Variants in MXI1 observed in about 807,000 individuals in gnomAD.
MXI1 encodes the protein max-interacting protein 1.
Under a neutral mutation model 36.9 loss-of-function variants are expected in MXI1, and 18 were observed. The ratio of observed to expected loss-of-function variants is 0.49; its 90% confidence interval spans 0.34 to 0.72. The LOEUF is 0.72. MXI1 is among the 30% of genes least tolerant of loss of function. The pLI, the probability that MXI1 is intolerant of heterozygous loss-of-function variation, is 0.01. For missense variants in MXI1, 304 were observed against 379.1 expected (o/e 0.80, Z 1.64); for synonymous variants, 160 against 146.7 (o/e 1.09, Z -0.65).
At position 110,280,068 on chromosome 10, in the gene MXI1, G is replaced by A. The variant is rs140539151; in HGVS notation, c.707G>A (p.Arg236His). 139 of 1,589,042 alleles carry A rather than the reference G, an allele frequency of 8.7e-5. No homozygotes were observed. The Middle Eastern group carries it at 1.2e-3, about 13-fold the overall frequency. The change falls in exon 5 of 6, where the codon CGT becomes CAT. Residue 236 changes from arginine (R) to histidine (H), a missense_variant. This residue lies in a region of MXI1 where 125 missense variants were observed against 194.3 expected (regional missense o/e 0.64). Coordinates refer to ENST00000332674, the MANE Select transcript of MXI1 (RefSeq NM_130439.3). ...ATTGGATCAACTATTTCTTCAGATCGTTCTGATTCAGAGCGAGGTAGGCAG... is the reference window on the plus strand; with the variant it reads ...ATTGGATCAACTATTTCTTCAGATCATTCTGATTCAGAGCGAGGTAGGCAG... ...DSIGSTISSD[R>H]SDSEREEIEV...
intron 1 of MXI1, among the ~76,000 whole-genome samples, chr10:110,222,550 A>G (rs114228002): frequency 0.012 from 1,901 of 152,278 alleles, 38 homozygotes; most frequent in African/African-American, 0.043. Flanking sequence ...GATTGTCCCC[A>G]TCCGTGGCTG....
At chr10:110,221,985 T>G (rs751258985) in intron 1 of MXI1, among the ~76,000 whole-genome samples, 14 of 152,070 alleles carry the variant, frequency 9.2e-5, no homozygotes, top group Non-Finnish European at 1.3e-4. Context: ...CAAATTTATC[T>G]CGGCTGCACA....
At chr10:110,260,416 GGTGTGTGTGTGTGTGTGT>G (rs151334728) in intron 3 of MXI1, among the ~76,000 whole-genome samples, 38 of 144,664 alleles carry the variant, frequency 2.6e-4, no homozygotes, top group South Asian at 6.6e-4. Flanking sequence ...CCTTGATACA[GGTGTGTGTGTGTGTGTGT>G]GTGTGTGTGT....
chr10:110,215,546 A>G (rs887949231), intron 1 of MXI1, among the ~76,000 whole-genome samples: 5 of 152,276 alleles, frequency 3.3e-5, no homozygotes, highest in Non-Finnish European at 7.3e-5. Context: ...AATGGGTTCC[A>G]GGTAGAGTCC....
Position 110,264,076 on chromosome 10 carries a change from A to AGTGT in MXI1, c.438-15089_438-15086dup, listed in dbSNP as rs34472977. On this transcript the variant is annotated intron_variant, in intron 3 of 5. Coordinates refer to ENST00000332674, the MANE Select transcript of MXI1 (RefSeq NM_130439.3). ...CATTTTTCTGTTACCATAATTTAAA[A>AGTGT]GTGTGTGTGTGTGTGTGTATGAGAG... is the stretch of plus-strand genomic sequence containing the variant. 3.3e-3 allele frequency among the ~76,000 whole-genome samples: 504 copies of AGTGT among 150,804 alleles called. 6 individuals are homozygous for AGTGT. The highest frequency in any genetic ancestry group is 6.7e-3 in the South Asian group (32 of 4,786).
intron 2 of MXI1, among the ~76,000 whole-genome samples, chr10:110,242,344 TAGTGTAAGA>T (rs752937281): frequency 3.2e-4 from 49 of 152,134 alleles, no homozygotes; most frequent in Non-Finnish European, 6.6e-4. Flanking sequence ...TGATTTCCTG[TAGTGTAAGA>T]CAGCCTTGAA....
intron 5 of MXI1, 138 bp downstream of exon 5, chr10:110,280,223 T>C (rs1857183678): frequency 1.5e-6 from 1 of 645,964 alleles, no homozygotes; most frequent in African/African-American, 1.8e-5. Context: ...AATCATAATA[T>C]TGTCTACAGC....
At position 110,285,133 on chromosome 10, in the gene MXI1, G is replaced by A. The variant is rs1857398076; in HGVS notation, c.*146G>A. On this transcript the variant is annotated 3_prime_UTR_variant, in exon 6 of 6. Coordinates refer to ENST00000332674, the MANE Select transcript of MXI1 (RefSeq NM_130439.3). The stretch of plus-strand genomic sequence containing the variant: ...ACTATACTTGAACAAAAGGGTCAGA[G>A]GACCTGTATTTAAGCAAATACTTAG... 4 of 769,174 alleles carry A rather than the reference G, an allele frequency of 5.2e-6. No individual in the cohort carries two copies. Among genetic ancestry groups the A allele is most frequent in the African/African-American group, 1.8e-5 (1 of 54,834 alleles). 47.6% of individuals were successfully genotyped at this position (769,174 alleles called of 1,614,324 possible). A position where few individuals can be genotyped will look rare whatever the true frequency, so the allele number is the denominator to read the frequency against.
At chr10:110,233,124 T>C (rs1052613636) in intron 2 of MXI1, among the ~76,000 whole-genome samples, 21 of 152,290 alleles carry the variant, frequency 1.4e-4, no homozygotes, top group African/African-American at 5.1e-4. Flanking sequence ...TTCTCTTTAG[T>C]GTCCTATGGA....
chr10:110,237,500 T>G lies in MXI1; in HGVS notation c.408-7328T>G, dbSNP rs568488360. Among the ~76,000 whole-genome samples, 70 of 152,360 alleles carry G rather than the reference T, an allele frequency of 4.6e-4. 1 individual carries two copies. In the South Asian group the frequency reaches 0.014, roughly 30 times the overall value. On this transcript the variant is annotated intron_variant, in intron 2 of 5. Transcript: ENST00000332674. Reference sequence around the variant, plus strand: ...ATGGAGGATTACATTGATGGATTTTTGAGTCTTAAACCTGCATTCCTGAAA... The same window carrying G: ...ATGGAGGATTACATTGATGGATTTTGGAGTCTTAAACCTGCATTCCTGAAA...
chr10:110,219,475 G>A (rs1217403312), intron 1 of MXI1, among the ~76,000 whole-genome samples: 1 of 152,112 alleles, frequency 6.6e-6, no homozygotes, highest in African/African-American at 2.4e-5. Context: ...GAGAGCCTTG[G>A]TACCCCCTGG....
At chr10:110,216,241 A>C (rs935789410) in intron 1 of MXI1, among the ~76,000 whole-genome samples, 1 of 152,252 alleles carries the variant, frequency 6.6e-6, no homozygotes, top group Non-Finnish European at 1.5e-5. Context: ...AAAAATTTAG[A>C]GAAACTCTCT....
intron 1 of MXI1, among the ~76,000 whole-genome samples, chr10:110,213,876 A>C (rs1361498801): frequency 2.0e-5 from 3 of 152,276 alleles, no homozygotes; most frequent in African/African-American, 7.2e-5. Flanking sequence ...GTGCAGCAGC[A>C]GCAACTAATT....
chr10:110,239,455 T>C (rs1401188922), intron 2 of MXI1, among the ~76,000 whole-genome samples: 1 of 152,226 alleles, frequency 6.6e-6, no homozygotes, highest in Non-Finnish European at 1.5e-5. Flanking sequence ...ACTTTTGATA[T>C]GTTGTGTCAT....
At chr10:110,278,596 T>C (rs1014480790) in intron 3 of MXI1, among the ~76,000 whole-genome samples, 14 of 152,100 alleles carry the variant, frequency 9.2e-5, no homozygotes, top group African/African-American at 3.4e-4. Context: ...AAATCAACAT[T>C]TTTATAAGTG....
intron 2 of MXI1, among the ~76,000 whole-genome samples, chr10:110,228,834 C>T (rs755793876): frequency 3.9e-5 from 6 of 152,088 alleles, no homozygotes; most frequent in Admixed American, 6.5e-5. Context: ...ATGATGAGAT[C>T]GGATTGGTTG....
intron 1 of MXI1, among the ~76,000 whole-genome samples, chr10:110,210,775 A>G (rs1344030592): frequency 6.6e-6 from 1 of 152,124 alleles, no homozygotes. Flanking sequence ...GCTGCACACA[A>G]TGCCCGCGCG....
intron 1 of MXI1, chr10:110,227,598 G>T (rs1296040671): frequency 3.1e-6 from 3 of 964,530 alleles, no homozygotes; most frequent in Non-Finnish European, 3.7e-6. Flanking sequence ...TCAGGGGAAG[G>T]GACGAGGCCG....
chr10:110,241,541 G>A (rs377341446), intron 2 of MXI1, among the ~76,000 whole-genome samples: 8 of 151,872 alleles, frequency 5.3e-5, no homozygotes, highest in African/African-American at 1.7e-4. Context: ...CTCTGTGTAC[G>A]TATAATTAGG....
Sources: allele counts gnomAD v4.1 joint callset (sites outside exome capture counted in the v4.1 genomes callset), GRCh38; gene constraint gnomAD v4.1.1; regional missense constraint gnomAD v4.1.1; transcripts MANE v1.5; gene names NCBI Gene and HGNC (gene_info 2026-07-23, HGNC 2026-07-21).